NEO1: variants seen among roughly 807,000 people sequenced by gnomAD.
The protein encoded by NEO1 is neogenin.
NEO1 carries 63 observed loss-of-function variants against 159.7 expected under a neutral mutation model. That is an observed-to-expected ratio of 0.39 (90% CI 0.32 to 0.49). The LOEUF is 0.49. NEO1 is among the 20% of genes least tolerant of loss of function. The probability of loss-of-function intolerance (pLI) is 0.85; values close to 1 mark genes in which losing one functional copy is unlikely to be tolerated. For missense variants in NEO1, 1,615 were observed against 1,831.0 expected (o/e 0.88, Z 2.15); for synonymous variants, 633 against 662.0 (o/e 0.96, Z 0.67).
In NEO1 at chr15:73,052,798, G is replaced by C; in HGVS notation, c.123G>C (p.Gln41His). ...CCGCCAGGAGCGGCTCCGCGCCGCAGTCCCCAGGTAAGCGGCGGGCGCGGG... is the reference window on the plus strand; with the variant it reads ...CCGCCAGGAGCGGCTCCGCGCCGCACTCCCCAGGTAAGCGGCGGGCGCGGG... ...AAAARSGSAP[Q>H]SPGASIRTFT... is the part of the protein sequence containing the mutation. The change falls in exon 1 of 29, where the codon CAG becomes CAC. Residue 41 changes from glutamine (Q) to histidine (H), a missense_variant. By Grantham distance (24) the Gln-to-His change is conservative. Transcript: ENST00000261908. 9.6e-7 allele frequency: 1 copy of C among 1,045,984 alleles called. No homozygotes were observed. The highest frequency in any genetic ancestry group is 1.7e-5 in the African/African-American group (1 of 57,990). The allele number at this position is 1,045,984 out of a possible 1,614,324, so 64.8% of individuals were successfully genotyped here. A position where few individuals can be genotyped will look rare whatever the true frequency, so the allele number is the denominator to read the frequency against.
At chr15:73,236,240 C>A in intron 7 of NEO1, 107 bp from the exon 8 acceptor site, 7 of 1,444,490 alleles carry the variant, frequency 4.8e-6, no homozygotes, top group East Asian at 4.8e-5. Context: ...TTTTTTAAAA[C>A]CGTCGTGGTT....
chr15:73,100,604 G>A (rs2070352558), intron 1 of NEO1, among the ~76,000 whole-genome samples: 1 of 151,938 alleles, frequency 6.6e-6, no homozygotes, highest in South Asian at 2.1e-4. Flanking sequence ...TAAAGTGCTG[G>A]GATTGCAAGT....
At chr15:73,092,312 G>A (rs1231378707) in intron 1 of NEO1, among the ~76,000 whole-genome samples, 1 of 152,120 alleles carries the variant, frequency 6.6e-6, no homozygotes, top group African/African-American at 2.4e-5. Context: ...GATTAAGGGG[G>A]ATAATTAAGA....
intron 8 of NEO1, among the ~76,000 whole-genome samples, chr15:73,242,984 C>G (rs1375678232): frequency 1.3e-5 from 2 of 152,242 alleles, no homozygotes; most frequent in East Asian, 1.9e-4. Flanking sequence ...CATCCATGAT[C>G]AGACCAAGTG....
chr15:73,243,251 G>A (rs2039583319), intron 8 of NEO1, among the ~76,000 whole-genome samples: 1 of 152,030 alleles, frequency 6.6e-6, no homozygotes, highest in Non-Finnish European at 1.5e-5. Context: ...TTACCAAAAA[G>A]CACTTCTCTG....
chr15:73,244,416 G>T lies in NEO1; in HGVS notation c.1524G>T (p.Val508=). The T allele has an allele frequency of 6.2e-7, 1 of 1,614,046 alleles. No homozygotes were observed. The highest frequency in any genetic ancestry group is 8.5e-7 in the Non-Finnish European group (1 of 1,179,970). The change falls in exon 9 of 29, where the codon GTG becomes GTT. Residue 508 remains valine (V), a synonymous_variant. Transcript: ENST00000261908. ...VTIQNLMPAT[V]YIFRVMAQNK... is the part of the protein sequence containing the mutation. The stretch of plus-strand genomic sequence containing the variant: ...TTCAAAACCTAATGCCAGCGACCGT[G>T]TACATCTTTAGAGTTATGGCTCAAA...
chr15:73,179,204 G>T (rs897055344), intron 7 of NEO1, among the ~76,000 whole-genome samples: 3 of 152,124 alleles, frequency 2.0e-5, no homozygotes, highest in Non-Finnish European at 4.4e-5. Flanking sequence ...AGTAACAAAG[G>T]TTTGACTAGT....
At chr15:73,077,784 T>C (rs1354406739) in intron 1 of NEO1, among the ~76,000 whole-genome samples, 1 of 152,196 alleles carries the variant, frequency 6.6e-6, no homozygotes, top group East Asian at 1.9e-4. Flanking sequence ...GAAGGTGATA[T>C]ATGCTGTAAA....
intron 7 of NEO1, chr15:73,222,091 A>ATTTTTTTTTTTTTTTTTTTTTTTTTT (rs71137336): frequency 1.9e-5 from 1 of 53,046 alleles, no homozygotes; most frequent in Non-Finnish European, 3.3e-5. Context: ...CCTGTTGGTA[A>ATTTTTTTTTTTTTTTTTTTTTTTTTT]TTTTTTTTTT....
intron 5 of NEO1, among the ~76,000 whole-genome samples, chr15:73,158,750 A>T (rs1377237052): frequency 3.3e-5 from 5 of 152,162 alleles, no homozygotes; most frequent in African/African-American, 9.7e-5. Context: ...TCTAGAAAGG[A>T]TATATAGTGA....
chr15:73,120,935 TA>T (rs758628601), intron 2 of NEO1, among the ~76,000 whole-genome samples: 4 of 152,184 alleles, frequency 2.6e-5, no homozygotes, highest in Non-Finnish European at 5.9e-5. Context: ...ACCTGATTGT[TA>T]ACATCTTATC....
At chr15:73,206,835 A>T (rs200180318) in intron 7 of NEO1, among the ~76,000 whole-genome samples, 2 of 150,666 alleles carry the variant, frequency 1.3e-5, no homozygotes, top group Non-Finnish European at 3.0e-5. Flanking sequence ...GTGTGTGTGT[A>T]TGTGTGTGTG....
chr15:73,266,281 G>A, intron 15 of NEO1, 35 bp from the exon 16 acceptor site: 1 of 1,531,460 alleles, frequency 6.5e-7, no homozygotes, highest in South Asian at 1.2e-5. Context: ...ATTCTGTAGT[G>A]AGCATTTTTT....
At chr15:73,260,926 T>C (rs1301811295) in intron 15 of NEO1, among the ~76,000 whole-genome samples, 1 of 152,194 alleles carries the variant, frequency 6.6e-6, no homozygotes, top group Admixed American at 6.5e-5. Context: ...CCATTACACT[T>C]TCACTCCCTA....
intron 14 of NEO1, 83 bp downstream of exon 14, chr15:73,258,959 G>A (rs2040491344): frequency 8.7e-7 from 1 of 1,146,106 alleles, no homozygotes; most frequent in Non-Finnish European, 1.3e-6. Context: ...CACAGACTTG[G>A]GGTGGATATG....
intron 1 of NEO1, among the ~76,000 whole-genome samples, chr15:73,110,677 G>A (rs911718013): frequency 2.0e-5 from 3 of 152,146 alleles, no homozygotes; most frequent in Admixed American, 6.5e-5. Context: ...CCATTAAGAC[G>A]TGAGAAATTT....
At chr15:73,193,328 GTATT>G (rs2036341971) in intron 7 of NEO1, among the ~76,000 whole-genome samples, 2 of 151,852 alleles carry the variant, frequency 1.3e-5, no homozygotes. Context: ...AGAGAGCTGA[GTATT>G]TAATTTAGCT....
chr15:73,068,608 G>C (rs2068358707), intron 1 of NEO1, among the ~76,000 whole-genome samples: 1 of 152,086 alleles, frequency 6.6e-6, no homozygotes, highest in Admixed American at 6.6e-5. Context: ...GTCCACATAT[G>C]CTTGTCGCTA....
intron 7 of NEO1, among the ~76,000 whole-genome samples, chr15:73,196,900 G>A (rs923649261): frequency 6.6e-6 from 1 of 152,122 alleles, no homozygotes; most frequent in African/African-American, 2.4e-5. Context: ...ATCTTTTTAC[G>A]ATCTCATGCG....
Sources: gnomAD v4.1 joint callset for allele counts (sites outside exome capture counted in the v4.1 genomes callset) on GRCh38, gnomAD v4.1.1 for gene constraint, MANE v1.5 for transcripts, NCBI Gene and HGNC (gene_info 2026-07-23, HGNC 2026-07-21) for gene names.